Variants in ZNF148 observed in about 807,000 individuals in gnomAD.
The protein encoded by ZNF148 is Beta-Enolase Repressor Factor-1.
Under a neutral mutation model 67.7 loss-of-function variants are expected in ZNF148, and 7 were observed. That is an observed-to-expected ratio of 0.10 (90% CI 0.06 to 0.19). The LOEUF (loss-of-function observed/expected upper bound fraction) is 0.19. Ranked by LOEUF, ZNF148 falls within the 10% of genes least tolerant of loss-of-function variation. The pLI is 1.00. For missense variants in ZNF148, 583 were observed against 947.1 expected (o/e 0.62, Z 5.05); for synonymous variants, 333 against 330.7 (o/e 1.01, Z -0.08).
Position 125,232,381 on chromosome 3 carries a change from G to A in ZNF148, c.2345C>T (p.Thr782Ile), listed in dbSNP as rs758301696. The A allele has an allele frequency of 5.6e-6, 9 of 1,605,486 alleles. No individual in the cohort carries two copies. Among genetic ancestry groups the A allele is most frequent in the African/African-American group, 1.4e-5 (1 of 74,008 alleles). ...GCCAGTTGTGGCATCAGGTGAAGAT[G>A]TCATCCCAGCTCTATTATCATTTAC... ...VNVNDNRAGM[T>I]SSPDATTGQT... The change falls in exon 9 of 9, where the codon ACA becomes ATA. Residue 782 changes from threonine to isoleucine, a missense_variant. Transcript: ENST00000360647. This position sits in a 1 kb window ranked among gnomAD's most constrained non-coding sequence, Gnocchi z 4.2.
chr3:125,368,221 G>T (rs1942761054), intron 1 of ZNF148, among the ~76,000 whole-genome samples: 1 of 152,096 alleles, frequency 6.6e-6, no homozygotes, highest in African/African-American at 2.4e-5. Flanking sequence ...AACATACTCA[G>T]AATTTATTTC....
chr3:125,266,475 T>C (rs1342995440), intron 7 of ZNF148, among the ~76,000 whole-genome samples: 2 of 152,202 alleles, frequency 1.3e-5, no homozygotes, highest in East Asian at 1.9e-4. Context: ...GAATGACTTT[T>C]GGATAAACAA....
At chr3:125,300,361 T>C (rs1406764909) in intron 4 of ZNF148, among the ~76,000 whole-genome samples, 1 of 152,124 alleles carries the variant, frequency 6.6e-6, no homozygotes, top group East Asian at 1.9e-4. Context: ...CAACAGCCAG[T>C]GCAAAAACCA....
At position 125,258,788 on chromosome 3, in the gene ZNF148, A is replaced by G. The variant is rs569370897; in HGVS notation, c.667+18938T>C. The stretch of plus-strand genomic sequence containing the variant: ...TTTTTTAAGAAATAGATGTTATGTA[A>G]GAATACTTACATTACCCATTGAATA... On this transcript the variant is annotated intron_variant, in intron 7 of 8. Transcript: ENST00000360647. 7.9e-5 allele frequency among the ~76,000 whole-genome samples: 12 copies of G among 152,282 alleles called. No homozygotes were observed. In the South Asian group the frequency reaches 2.5e-3, roughly 32 times the overall value.
At chr3:125,312,136 G>A (rs1389489623) in intron 4 of ZNF148, among the ~76,000 whole-genome samples, 1 of 152,110 alleles carries the variant, frequency 6.6e-6, no homozygotes, top group African/African-American at 2.4e-5. Context: ...AAGACATCAA[G>A]AAAACTATAG....
At chr3:125,350,207 T>C (rs970175458) in intron 1 of ZNF148, among the ~76,000 whole-genome samples, 2 of 152,194 alleles carry the variant, frequency 1.3e-5, no homozygotes, top group African/African-American at 4.8e-5. Flanking sequence ...TCACCCAGAC[T>C]ACAGTGCAGT....
intron 6 of ZNF148, among the ~76,000 whole-genome samples, chr3:125,278,919 T>C (rs1470319698): frequency 6.6e-6 from 1 of 152,116 alleles, no homozygotes; most frequent in African/African-American, 2.4e-5. Context: ...ATTAAGACTA[T>C]TTAATTAATT....
At chr3:125,317,395 T>C (rs1940551921) in intron 3 of ZNF148, among the ~76,000 whole-genome samples, 1 of 152,108 alleles carries the variant, frequency 6.6e-6, no homozygotes, top group African/African-American at 2.4e-5. Flanking sequence ...TACAACCTTA[T>C]GGGTTTATTC....
chr3:125,234,087 T>C, intron 8 of ZNF148, 124 bp downstream of exon 8: 3 of 1,256,574 alleles, frequency 2.4e-6, no homozygotes, highest in Non-Finnish European at 3.3e-6. Flanking sequence ...TTTTCTATTA[T>C]AAATCTAATC....
At position 125,232,267 on chromosome 3, in the gene ZNF148, A is replaced by C. The variant is rs1935883726; in HGVS notation, c.*74T>G. ...TGCTCTTAAATCTGTACAGCACTCC[A>C]TTTACACAGAGTAACCCCACTCTTG... On this transcript the variant is annotated 3_prime_UTR_variant, in exon 9 of 9. Transcript: ENST00000360647. The surrounding 1 kb of genome is among the most constrained non-coding windows in gnomAD (Gnocchi z 4.2). 1 of 1,482,216 alleles carries C rather than the reference A, an allele frequency of 6.7e-7. No homozygotes were observed. Among genetic ancestry groups the C allele is most frequent in the South Asian group, 1.4e-5 (1 of 73,936 alleles). The allele number at this position is 1,482,216 out of a possible 1,614,324, so 91.8% of individuals were successfully genotyped here. A position where few individuals can be genotyped will look rare whatever the true frequency, so the allele number is the denominator to read the frequency against.
chr3:125,358,210 G>A (rs1942426982), intron 1 of ZNF148, among the ~76,000 whole-genome samples: 2 of 152,160 alleles, frequency 1.3e-5, no homozygotes, highest in African/African-American at 2.4e-5. Flanking sequence ...TTATTCAGGA[G>A]GCTGAGACAG....
intron 4 of ZNF148, among the ~76,000 whole-genome samples, chr3:125,308,777 G>C (rs777081032): frequency 6.6e-6 from 1 of 151,904 alleles, no homozygotes; most frequent in Admixed American, 6.5e-5. Context: ...CAAGAGAAAT[G>C]AAAAAAGACT....
chr3:125,345,952 C>A (rs1941925469), intron 1 of ZNF148, among the ~76,000 whole-genome samples: 1 of 152,156 alleles, frequency 6.6e-6, no homozygotes, highest in African/African-American at 2.4e-5. Context: ...CTTCCCAAAA[C>A]TTGGGGAGAA....
At chr3:125,298,321 C>T (rs1939392253) in intron 4 of ZNF148, among the ~76,000 whole-genome samples, 1 of 121,384 alleles carries the variant, frequency 8.2e-6, no homozygotes, top group African/African-American at 3.3e-5. Flanking sequence ...AAGACATATA[C>T]CTAGAGCAAT....
At chr3:125,329,361 T>A (rs940894698) in intron 2 of ZNF148, among the ~76,000 whole-genome samples, 7 of 125,084 alleles carry the variant, frequency 5.6e-5, no homozygotes, top group South Asian at 5.2e-4. Flanking sequence ...ATATATAAAA[T>A]TTTTTTTTTT....
chr3:125,353,345 T>C (rs1942222599), intron 1 of ZNF148, among the ~76,000 whole-genome samples: 2 of 151,976 alleles, frequency 1.3e-5, no homozygotes, highest in Admixed American at 1.3e-4. Flanking sequence ...GATGAGGCAA[T>C]AGTTCTGGAT....
At chr3:125,320,128 C>G (rs572854348) in intron 3 of ZNF148, among the ~76,000 whole-genome samples, 1 of 152,294 alleles carries the variant, frequency 6.6e-6, no homozygotes, top group South Asian at 2.1e-4. Flanking sequence ...CTCAGCCATT[C>G]TTTCTTTTTC....
At chr3:125,344,568 TCCACCATTTAATCCTTCTTTG>T in intron 1 of ZNF148, 1 of 941,652 alleles carries the variant, frequency 1.1e-6, no homozygotes, top group Admixed American at 1.7e-5. Flanking sequence ...CACCTCCTCC[TCCACCATTTAATCCTTCTTTG>T]CCACCATTTA....
intron 7 of ZNF148, among the ~76,000 whole-genome samples, chr3:125,263,417 G>A (rs1218542779): frequency 1.3e-5 from 2 of 152,084 alleles, no homozygotes; most frequent in Non-Finnish European, 2.9e-5. Context: ...CGGGTGTGGT[G>A]GCATGCACCT....
Sources: gnomAD v4.1 joint callset for allele counts (sites outside exome capture counted in the v4.1 genomes callset) on GRCh38, gnomAD v4.1.1 for gene constraint, Gnocchi (gnomAD v3.1) non-coding constraint, MANE v1.5 for transcripts, NCBI Gene and HGNC (gene_info 2026-07-23, HGNC 2026-07-21) for gene names.